Variants in EPC2 observed in about 807,000 individuals in gnomAD.
EPC2 encodes the protein enhancer of polycomb 2, also known as enhancer of polycomb homolog 2.
Under a neutral mutation model 92.1 loss-of-function variants are expected in EPC2, and 14 were observed. The observed-to-expected ratio is 0.15, with a 90% CI of 0.10 to 0.24. The LOEUF is 0.24. Among genes scored for constraint, EPC2 ranks in the 10% least tolerant of loss-of-function variants. EPC2 has a pLI of 1.00. For synonymous variants in EPC2, 340 were observed against 334.7 expected (o/e 1.02, Z -0.17); for missense variants, 755 against 971.5 (o/e 0.78, Z 2.96).
rs565230970 is a variant in EPC2 at position 148,717,110 on chromosome 2, A to T, written c.314-26512A>T. Among the ~76,000 whole-genome samples the T allele has an allele frequency of 2.0e-5, 3 of 148,330 alleles. No individual in the cohort carries two copies. The South Asian group carries it at 6.4e-4, about 32-fold the overall frequency. On this transcript the variant is annotated intron_variant, in intron 2 of 13. Transcript: ENST00000258484. ...CCCCTTATCATTTCTGATTATATTT[A>T]TTTGACTGTTCTGTCTTCTTTATTA...
chr2:148,662,085 A>G (rs531067861), intron 1 of EPC2, among the ~76,000 whole-genome samples: 1 of 152,258 alleles, frequency 6.6e-6, no homozygotes, highest in African/African-American at 2.4e-5. Context: ...ATCACTGGCC[A>G]TCAGAGAAAT....
intron 6 of EPC2, among the ~76,000 whole-genome samples, chr2:148,763,179 A>G (rs1330672266): frequency 6.6e-6 from 1 of 152,144 alleles, no homozygotes; most frequent in Non-Finnish European, 1.5e-5. Flanking sequence ...AATGGAAGGA[A>G]TCAACACCTC....
intron 2 of EPC2, among the ~76,000 whole-genome samples, chr2:148,732,421 C>T (rs1332757016): frequency 7.1e-6 from 1 of 140,284 alleles, no homozygotes; most frequent in Non-Finnish European, 1.5e-5. Context: ...CATTCTGTTG[C>T]GTAGGCTAGA....
At chr2:148,783,429 CT>C (rs1349853250) in intron 11 of EPC2, among the ~76,000 whole-genome samples, 167 bp from the exon 12 acceptor site, 1 of 152,136 alleles carries the variant, frequency 6.6e-6, no homozygotes, top group Non-Finnish European at 1.5e-5. Flanking sequence ...GTTCGTTTCC[CT>C]GCTTCATATG....
intron 2 of EPC2, among the ~76,000 whole-genome samples, chr2:148,721,174 C>T (rs1044151580): frequency 1.3e-5 from 2 of 152,160 alleles, no homozygotes; most frequent in South Asian, 4.1e-4. Flanking sequence ...TCATTTTCCT[C>T]CTCTCAAAAG....
rs184368830 is a variant in EPC2 at position 148,710,677 on chromosome 2, A to T, written c.313+20304A>T. On this transcript the variant is annotated intron_variant, in intron 2 of 13. Transcript: ENST00000258484. ...GAATACTATGCAGCCATAAAAAATA[A>T]TGAGTTATGTCCTTTGTAGGGACAT... Among the ~76,000 whole-genome samples the T allele has an allele frequency of 1.1e-3, 163 of 141,982 alleles. 1 individual carries two copies. The highest frequency in any genetic ancestry group is 3.8e-3 in the African/African-American group (156 of 40,570). The allele number at this position is 141,982 out of a possible 152,430, so 93.1% of individuals were successfully genotyped here. A position where few individuals can be genotyped will look rare whatever the true frequency, so the allele number is the denominator to read the frequency against.
At chr2:148,763,575 T>G (rs1683345592) in intron 6 of EPC2, among the ~76,000 whole-genome samples, 1 of 152,184 alleles carries the variant, frequency 6.6e-6, no homozygotes, top group Non-Finnish European at 1.5e-5. Context: ...CTTTTAAAAA[T>G]GTACACAGTT....
intron 1 of EPC2, among the ~76,000 whole-genome samples, chr2:148,658,163 A>G (rs1397996638): frequency 3.3e-5 from 5 of 152,162 alleles, no homozygotes. Flanking sequence ...TTTAAAATAC[A>G]TTGTTGATTC....
chr2:148,690,546 ATTTTGAG>A (rs1484456345), intron 2 of EPC2, among the ~76,000 whole-genome samples, 173 bp downstream of exon 2: 9 of 152,218 alleles, frequency 5.9e-5, no homozygotes, highest in Non-Finnish European at 7.3e-5. Flanking sequence ...TTTGGAAATC[ATTTTGAG>A]TTTTAAGTAA....
At position 148,787,434 on chromosome 2, in the gene EPC2, T is replaced by C. The variant is rs147788240; in HGVS notation, c.*1057T>C. The C allele has an allele frequency of 1.3e-5, 2 of 152,776 alleles. No individual in the cohort carries two copies. The highest frequency in any genetic ancestry group is 2.9e-5 in the Non-Finnish European group (2 of 68,032). 9.5% of individuals were successfully genotyped at this position (152,776 alleles called of 1,614,324 possible). A position where few individuals can be genotyped will look rare whatever the true frequency, so the allele number is the denominator to read the frequency against. On this transcript the variant is annotated 3_prime_UTR_variant, in exon 14 of 14. Transcript: ENST00000258484. The stretch of plus-strand genomic sequence containing the variant: ...TGTAGTGTTTTAGTGACTTTTTTTA[T>C]ACGGTTCTTGTAAATTAGATACGTG...
At chr2:148,652,276 A>G (rs1488519330) in intron 1 of EPC2, among the ~76,000 whole-genome samples, 2 of 152,206 alleles carry the variant, frequency 1.3e-5, no homozygotes, top group African/African-American at 2.4e-5. Flanking sequence ...AAAGTGTTAA[A>G]TCATTTTAAT....
chr2:148,785,792 T>G (rs1683854456), intron 13 of EPC2, among the ~76,000 whole-genome samples: 1 of 152,176 alleles, frequency 6.6e-6, no homozygotes, highest in Non-Finnish European at 1.5e-5. Flanking sequence ...CATAGTATAT[T>G]TTAGAATGTT....
chr2:148,668,880 A>G (rs1206360189), intron 1 of EPC2, among the ~76,000 whole-genome samples: 1 of 151,952 alleles, frequency 6.6e-6, no homozygotes, highest in Non-Finnish European at 1.5e-5. Flanking sequence ...TCTGTTTTAT[A>G]TTTTATTGAT....
At chr2:148,737,912 T>A (rs1250303217) in intron 2 of EPC2, among the ~76,000 whole-genome samples, 2 of 152,036 alleles carry the variant, frequency 1.3e-5, no homozygotes, top group Non-Finnish European at 2.9e-5. Flanking sequence ...ATGCGGCCCG[T>A]GGGCCATGAG....
At chr2:148,729,189 G>GCA (rs1270654855) in intron 2 of EPC2, among the ~76,000 whole-genome samples, 1 of 152,052 alleles carries the variant, frequency 6.6e-6, no homozygotes, top group Non-Finnish European at 1.5e-5. Flanking sequence ...TCACTCTGTA[G>GCA]GAGTTATACC....
chr2:148,663,592 ATTTTTTTTTTT>A (rs56911412), intron 1 of EPC2, among the ~76,000 whole-genome samples: 37 of 74,354 alleles, frequency 5.0e-4, no homozygotes, highest in Admixed American at 2.0e-3. Context: ...ATAGATTAAG[ATTTTTTTTTTT>A]TTTTTTTTTT....
At chr2:148,677,517 A>T (rs926132688) in intron 1 of EPC2, among the ~76,000 whole-genome samples, 4 of 152,230 alleles carry the variant, frequency 2.6e-5, no homozygotes, top group Non-Finnish European at 4.4e-5. Flanking sequence ...TCTATAAAAA[A>T]TTTTAAAAAT....
At chr2:148,693,330 G>A (rs1377381177) in intron 2 of EPC2, among the ~76,000 whole-genome samples, 1 of 152,066 alleles carries the variant, frequency 6.6e-6, no homozygotes, top group African/African-American at 2.4e-5. Context: ...TACTTGCCTG[G>A]GCTTTGGCAG....
intron 2 of EPC2, among the ~76,000 whole-genome samples, chr2:148,695,964 CT>C: frequency 6.6e-6 from 1 of 152,228 alleles, no homozygotes; most frequent in East Asian, 1.9e-4. Context: ...AGGCCAGCCC[CT>C]GAGGGCAACC....
Sources: gnomAD v4.1 joint callset for allele counts (sites outside exome capture counted in the v4.1 genomes callset) on GRCh38, gnomAD v4.1.1 for gene constraint, MANE v1.5 for transcripts, NCBI Gene and HGNC (gene_info 2026-07-23, HGNC 2026-07-21) for gene names.